The following CACNA1B variants were observed in gnomAD, a reference collection of about 807,000 sequenced individuals.
CACNA1B encodes the protein voltage-dependent N-type calcium channel subunit alpha-1B.
CACNA1B carries 70 observed loss-of-function variants against 247.2 expected under a neutral mutation model. The ratio of observed to expected loss-of-function variants is 0.28; its 90% CI spans 0.23 to 0.35. The LOEUF is 0.35. Among genes scored for constraint, CACNA1B ranks in the 10% least tolerant of loss-of-function variants. The pLI, the probability that CACNA1B is intolerant of heterozygous loss-of-function variation, is 1.00. For missense variants in CACNA1B, 2,367 were observed against 3,197.4 expected, an observed-to-expected ratio of 0.74 and a Z score of 6.26; for synonymous variants, 1,231 against 1,294.4, an observed-to-expected ratio of 0.95 and a Z score of 1.05.
At position 138,072,309 on chromosome 9, in the gene CACNA1B, T is replaced by TACGG. The variant is rs1273608126; in HGVS notation, c.4675-1178_4675-1175dup. Among the ~76,000 whole-genome samples, 1 of 152,192 alleles carries TACGG rather than the reference T, an allele frequency of 6.6e-6. No individual in the cohort carries two copies. Among genetic ancestry groups the TACGG allele is most frequent in the African/African-American group, 2.4e-5 (1 of 41,450 alleles). ...CAGACCTAGGCAGAGGTGTCCTCAG[T>TACGG]ACGGGTTGGGCCACTGTCCCTGGAA... On this transcript the variant is annotated intron_variant, in intron 32 of 46. Transcript: ENST00000371372. The surrounding 1 kb of genome is among the most constrained non-coding windows in gnomAD (Gnocchi z 4.5).
chr9:138,054,541 G>A lies in CACNA1B; in HGVS notation c.3968+535G>A, dbSNP rs988793884. Among the ~76,000 whole-genome samples, 2 of 152,232 alleles carry A rather than the reference G, an allele frequency of 1.3e-5. No homozygotes were observed. The highest frequency in any genetic ancestry group is 1.9e-4 in the East Asian group (1 of 5,196). Reference sequence around the variant, plus strand: ...GTACCCACAGTGTCTTCCTGCCCACGCGGCAGCGTCCCAGCTGCTTCTGTG... The same window carrying A: ...GTACCCACAGTGTCTTCCTGCCCACACGGCAGCGTCCCAGCTGCTTCTGTG... On this transcript the variant is annotated intron_variant, in intron 26 of 46. Coordinates refer to ENST00000371372, the MANE Select transcript of CACNA1B (RefSeq NM_000718.4). The surrounding 1 kb of genome is among the most constrained non-coding windows in gnomAD (Gnocchi z 4.6).
At chr9:138,068,709 C>T in intron 31 of CACNA1B, 1 of 496,372 alleles carries the variant, frequency 2.0e-6, no homozygotes, top group South Asian at 1.5e-5. Context: ...CGTGTGTGTG[C>T]CTCCTTTCCA....
chr9:137,920,331 G>T (rs1209364794), intron 6 of CACNA1B, among the ~76,000 whole-genome samples: 1 of 152,134 alleles, frequency 6.6e-6, no homozygotes, highest in Non-Finnish European at 1.5e-5. Flanking sequence ...TAAGTAGCTG[G>T]GATTACAGGC....
rs1043848689 is a variant in CACNA1B, at chr9:137,882,083, T to G, written c.391-661T>G. The stretch of plus-strand genomic sequence containing the variant: ...TCGCTCAGCACACTCAGGGCTGAGG[T>G]TGTGCTTCTCATTTCTGTTGTTTTC... On this transcript the variant is annotated intron_variant, in intron 2 of 46. Transcript: ENST00000371372. The surrounding 1 kb of genome is among the most constrained non-coding windows in gnomAD (Gnocchi z 4.0). Among the ~76,000 whole-genome samples the G allele has an allele frequency of 6.6e-6, 1 of 152,094 alleles. No homozygotes were observed. Among genetic ancestry groups the G allele is most frequent in the African/African-American group, 2.4e-5 (1 of 41,422 alleles).
At position 138,069,503 on chromosome 9, in the gene CACNA1B, T is replaced by G. The variant is rs1960044630; in HGVS notation, c.4669-255T>G. On this transcript the variant is annotated intron_variant, in intron 31 of 46. Transcript: ENST00000371372. The stretch of plus-strand genomic sequence containing the variant: ...ATCTGATATATTTTAAGAAAAATAA[T>G]GCAGTTTACCAAAATCCTAATTTTC... Among the ~76,000 whole-genome samples the G allele has an allele frequency of 2.6e-5, 4 of 152,366 alleles. No homozygotes were observed. The South Asian group carries it at 8.3e-4, about 32-fold the overall frequency.
chr9:138,092,742 G>A (rs1960919890), intron 36 of CACNA1B, among the ~76,000 whole-genome samples: 1 of 152,198 alleles, frequency 6.6e-6, no homozygotes, highest in African/African-American at 2.4e-5. Context: ...TTCAGAGATT[G>A]CAGTAAAGAC....
At position 137,986,297 on chromosome 9, in the gene CACNA1B, A is replaced by T; in HGVS notation, c.1770-116A>T. 9.0e-7 allele frequency: 1 copy of T among 1,111,086 alleles called. No homozygotes were observed. The highest frequency in any genetic ancestry group is 1.3e-6 in the Non-Finnish European group (1 of 774,366). 68.8% of individuals were successfully genotyped at this position (1,111,086 alleles called of 1,614,324 possible). On this transcript the variant is annotated intron_variant, in intron 13 of 46. Coordinates refer to ENST00000371372, the MANE Select transcript of CACNA1B (RefSeq NM_000718.4). The surrounding 1 kb of genome is among the most constrained non-coding windows in gnomAD (Gnocchi z 6.0). ...AGAGAAAAGCTCTAACTTCACACCT[A>T]GGTGTGCAGCCCTCAGGGTTTAGAA... is the stretch of plus-strand genomic sequence containing the variant.
Position 138,020,021 on chromosome 9 carries a change from C to T in CACNA1B, c.2268-2990C>T, listed in dbSNP as rs1367095008. On this transcript the variant is annotated intron_variant, in intron 18 of 46. Coordinates refer to ENST00000371372, the MANE Select transcript of CACNA1B (RefSeq NM_000718.4). This position sits in a 1 kb window ranked among gnomAD's most constrained non-coding sequence, Gnocchi z 4.1. ...CTGAGGCAGGAGAATTGCTTGAACCCGGGAGGCAGAGGTTGCAGTGAGCCG... is the reference window on the plus strand; with the variant it reads ...CTGAGGCAGGAGAATTGCTTGAACCTGGGAGGCAGAGGTTGCAGTGAGCCG... 2.0e-5 allele frequency among the ~76,000 whole-genome samples: 3 copies of T among 149,488 alleles called. No homozygotes were observed. Among genetic ancestry groups the T allele is most frequent in the East Asian group, 3.9e-4 (2 of 5,114 alleles).
chr9:138,105,691 G>A lies in CACNA1B; in HGVS notation c.5320-8G>A. On this transcript the variant is annotated splice_region_variant and splice_polypyrimidine_tract_variant and intron_variant, in intron 38 of 46. Coordinates refer to ENST00000371372, the MANE Select transcript of CACNA1B (RefSeq NM_000718.4). ...GGCCTGGCCCTGACCGGCCCTGCTT[G>A]TCCCTAGCGCCTGGTTCGCATGAAC... 2 of 1,522,250 alleles carry A rather than the reference G, an allele frequency of 1.3e-6. No homozygotes were observed. Among genetic ancestry groups the A allele is most frequent in the Non-Finnish European group, 1.8e-6 (2 of 1,122,494 alleles). The allele number at this position is 1,522,250 out of a possible 1,614,324, so 94.3% of individuals were successfully genotyped here.
At chr9:137,956,298 C>T (rs1957946689) in intron 8 of CACNA1B, among the ~76,000 whole-genome samples, 1 of 152,178 alleles carries the variant, frequency 6.6e-6, no homozygotes, top group Admixed American at 6.5e-5. Flanking sequence ...GTCCTCTTCA[C>T]AGGGGACTGT....
chr9:137,981,019 A>G (rs1280488722), intron 12 of CACNA1B, among the ~76,000 whole-genome samples: 5 of 152,238 alleles, frequency 3.3e-5, no homozygotes, highest in African/African-American at 4.8e-5. Flanking sequence ...TATAGCCAGT[A>G]GTGGGATTGC....
At position 137,973,148 on chromosome 9, in the gene CACNA1B, C is replaced by T. The variant is rs113473786; in HGVS notation, c.1543+1556C>T. Among the ~76,000 whole-genome samples, 1,189 of 152,310 alleles carry T rather than the reference C, an allele frequency of 7.8e-3. 6 individuals are homozygous for T. Among genetic ancestry groups the T allele is most frequent in the South Asian group, 0.012 (60 of 4,820 alleles). ...CAGTCGCGCATCTGCTGTGTGCGAG[C>T]ACAGGGCTGGCAGTGTCCAGGCGTT... On this transcript the variant is annotated intron_variant, in intron 11 of 46. Transcript: ENST00000371372. The surrounding 1 kb of genome is among the most constrained non-coding windows in gnomAD (Gnocchi z 4.1).
At chr9:138,027,539 C>T (rs1374440321) in intron 20 of CACNA1B, among the ~76,000 whole-genome samples, 1 of 152,156 alleles carries the variant, frequency 6.6e-6, no homozygotes, top group South Asian at 2.1e-4. Context: ...TTTCCGCCTA[C>T]ATTAAATAAA....
At position 138,078,272 on chromosome 9, in the gene CACNA1B, A is replaced by T; in HGVS notation, c.5094+14A>T. 6.2e-7 allele frequency: 1 copy of T among 1,611,008 alleles called. No homozygotes were observed. Among genetic ancestry groups the T allele is most frequent in the East Asian group, 2.2e-5 (1 of 44,758 alleles). ...TGCTCCTTTCTGGTGAGTCCTGGGC[A>T]CTGTGCCCCTCCCAGTGCCACGTCT... is the stretch of plus-strand genomic sequence containing the variant. On this transcript the variant is annotated intron_variant, in intron 36 of 46. Coordinates refer to ENST00000371372, the MANE Select transcript of CACNA1B (RefSeq NM_000718.4).
chr9:138,063,311 G>A (rs913566480), intron 31 of CACNA1B, among the ~76,000 whole-genome samples: 8 of 152,160 alleles, frequency 5.3e-5, no homozygotes, highest in African/African-American at 9.6e-5. Context: ...TAGGCAAGAC[G>A]GCGAGACCCT....
intron 39 of CACNA1B, 109 bp from the exon 40 acceptor site, chr9:138,112,289 G>T: frequency 1.3e-6 from 1 of 740,970 alleles, no homozygotes; most frequent in Non-Finnish European, 2.4e-6. Flanking sequence ...CCCCATCTCC[G>T]CCTACACCAT....
chr9:137,986,914 G>A lies in CACNA1B; in HGVS notation c.1974+60G>A. ...CGGCTCCCGTCTCCCCTGGGTGCTG[G>A]GAAGGCGGACTCTCCTGTCATTCCC... On this transcript the variant is annotated intron_variant, in intron 15 of 46. Coordinates refer to ENST00000371372, the MANE Select transcript of CACNA1B (RefSeq NM_000718.4). The surrounding 1 kb of genome is among the most constrained non-coding windows in gnomAD (Gnocchi z 6.0). 2 of 1,276,900 alleles carry A rather than the reference G, an allele frequency of 1.6e-6. No individual in the cohort carries two copies. Among genetic ancestry groups the A allele is most frequent in the Non-Finnish European group, 2.3e-6 (2 of 875,238 alleles). 79.1% of individuals were successfully genotyped at this position (1,276,900 alleles called of 1,614,324 possible). A position where few individuals can be genotyped will look rare whatever the true frequency, so the allele number is the denominator to read the frequency against.
intron 6 of CACNA1B, among the ~76,000 whole-genome samples, chr9:137,943,702 G>A (rs1032578535): frequency 1.3e-5 from 2 of 152,258 alleles, no homozygotes; most frequent in South Asian, 2.1e-4. Context: ...ACAGCCCTCC[G>A]TATTTATTAG....
intron 19 of CACNA1B, among the ~76,000 whole-genome samples, chr9:138,024,078 A>T (rs1958889135): frequency 6.6e-6 from 1 of 152,228 alleles, no homozygotes; most frequent in African/African-American, 2.4e-5. Flanking sequence ...CGTGAATGCC[A>T]GCCGTTATTT....
Sources: gnomAD v4.1 joint callset for allele counts (sites outside exome capture counted in the v4.1 genomes callset) on GRCh38, gnomAD v4.1.1 for gene constraint, Gnocchi (gnomAD v3.1) non-coding constraint, MANE v1.5 for transcripts, NCBI Gene and HGNC (gene_info 2026-07-23, HGNC 2026-07-21) for gene names.